KIF17: variants seen among roughly 807,000 people sequenced by gnomAD.
The protein encoded by KIF17 is kinesin family member 17.
KIF17 carries 80 observed loss-of-function variants against 96.8 expected under a neutral mutation model. That is an observed-to-expected ratio of 0.83 (90% CI 0.69 to 1.00). The LOEUF is 1.00. KIF17 is among the 50% of genes least tolerant of loss of function. KIF17 has a pLI of 0.00. For missense variants in KIF17, 1,280 were observed against 1,372.9 expected, an observed-to-expected ratio of 0.93 and a Z score of 1.07; for synonymous variants, 567 against 587.5, an observed-to-expected ratio of 0.97 and a Z score of 0.51.
In KIF17 at chr1:20,684,883, C is replaced by G; in HGVS notation, c.2157G>C (p.Glu719Asp). ...GCACTGCCACCTCCATGCCCACGCTCTCCCTCTTCACACCAGCTGTGGCCG... is the reference window on the plus strand; with the variant it reads ...GCACTGCCACCTCCATGCCCACGCTGTCCCTCTTCACACCAGCTGTGGCCG... ...PLPATAGVKR[E>D]SVGMEVAVLT... Residue 719 changes from glutamate to aspartate, a missense_variant, in exon 10 of 15, where the codon GAG (glutamate) becomes GAC (aspartate). By Grantham distance (45) the Glu-to-Asp change is conservative. Coordinates refer to ENST00000400463, the MANE Select transcript of KIF17 (RefSeq NM_001122819.3). 6.3e-7 allele frequency: 1 copy of G among 1,598,340 alleles called. No individual in the cohort carries two copies. The highest frequency in any genetic ancestry group is 1.1e-5 in the South Asian group (1 of 88,388).
intron 1 of KIF17, 40 bp downstream of exon 1, chr1:20,717,436 T>C (rs1212622991): frequency 1.2e-6 from 2 of 1,604,930 alleles, no homozygotes; most frequent in South Asian, 1.1e-5. Context: ...GGCGGCCTCA[T>C]GCCCTGCCGC....
chr1:20,711,765 G>T (rs2054440839), intron 3 of KIF17, among the ~76,000 whole-genome samples: 1 of 152,142 alleles, frequency 6.6e-6, no homozygotes, highest in African/African-American at 2.4e-5. Flanking sequence ...ACCACGATCG[G>T]GCCTGTGTTA....
intron 8 of KIF17, chr1:20,686,524 A>G (rs1168409403): frequency 7.4e-6 from 2 of 271,494 alleles, no homozygotes; most frequent in East Asian, 8.1e-5. Flanking sequence ...ACACAGAGGA[A>G]AGGAAAGCAG....
At position 20,712,606 on chromosome 1, in the gene KIF17, A is replaced by ATATATATATAATATAGATAATATC. The variant is rs2054465571; in HGVS notation, c.480+824_480+847dup. ...TCTATATATATATCTATATATATCTATATATATATAATATAGATAATATCT... is the reference window on the plus strand; with the variant it reads ...TCTATATATATATCTATATATATCTATATATATATAATATAGATAATATCTATATATATAATATAGATAATATCT... On this transcript the variant is annotated intron_variant, in intron 3 of 14. Coordinates refer to ENST00000400463, the MANE Select transcript of KIF17 (RefSeq NM_001122819.3). Among the ~76,000 whole-genome samples, 6 of 11,492 alleles carry ATATATATATAATATAGATAATATC rather than the reference A, an allele frequency of 5.2e-4. 2 individuals are homozygous for ATATATATATAATATAGATAATATC. The highest frequency in any genetic ancestry group is 8.2e-4 in the African/African-American group (4 of 4,894). 7.5% of individuals were successfully genotyped at this position (11,492 alleles called of 152,430 possible).
chr1:20,683,814 C>T (rs543824589), intron 10 of KIF17, among the ~76,000 whole-genome samples: 11 of 152,312 alleles, frequency 7.2e-5, no homozygotes, highest in Admixed American at 2.0e-4. Flanking sequence ...TCCAAATGCC[C>T]GGGCCGGGTC....
Position 20,715,581 on chromosome 1 carries a change from T to C in KIF17, c.290A>G (p.Lys97Arg). The C allele has an allele frequency of 6.2e-7, 1 of 1,613,308 alleles. No homozygotes were observed. The highest frequency in any genetic ancestry group is 2.2e-5 in the East Asian group (1 of 44,862). The change falls in exon 2 of 15, where the codon AAG becomes AGG. Residue 97 changes from lysine (K) to arginine (R), a missense_variant. By Grantham distance (26) the Lys-to-Arg change is conservative. Transcript: ENST00000400463. ...IFAYGQTGSG[K>R]SFTMQGLPDP... ...CGGCAGGCCCTGCATGGTGAAGGAC[T>C]TCCCGCTGCCTGTCTGGCCGTAGGC... is the stretch of plus-strand genomic sequence containing the variant.
chr1:20,686,297 A>G, intron 8 of KIF17, 171 bp from the exon 9 acceptor site: 1 of 680,028 alleles, frequency 1.5e-6, no homozygotes, highest in Non-Finnish European at 2.7e-6. Context: ...GAGATGAGGG[A>G]GAGAACAGGG....
At position 20,700,726 on chromosome 1, in the gene KIF17, C is replaced by CCGTAAACCA. The variant is rs1442450428; in HGVS notation, c.1124-2247_1124-2239dup. On this transcript the variant is annotated intron_variant, in intron 5 of 14. Transcript: ENST00000400463. This position sits in a 1 kb window ranked among gnomAD's most constrained non-coding sequence, Gnocchi z 4.6. ...TTCAGGGCGAGCGAATTCCTAGAAA[C>CCGTAAACCA]CGTAAACCACGAGTCAGTGAGTCCA... Among the ~76,000 whole-genome samples the CCGTAAACCA allele has an allele frequency of 6.6e-6, 1 of 152,166 alleles. No homozygotes were observed. The highest frequency in any genetic ancestry group is 1.5e-5 in the Non-Finnish European group (1 of 68,040).
chr1:20,687,265 G>T lies in KIF17; in HGVS notation c.1938+123C>A. 1.8e-6 allele frequency: 2 copies of T among 1,111,662 alleles called. No homozygotes were observed. Among genetic ancestry groups the T allele is most frequent in the Non-Finnish European group, 2.7e-6 (2 of 736,650 alleles). 68.9% of individuals were successfully genotyped at this position (1,111,662 alleles called of 1,614,324 possible). A position where few individuals can be genotyped will look rare whatever the true frequency, so the allele number is the denominator to read the frequency against. ...CAGTGCCAGAGCCGCAGCAGACACA[G>T]TGGAGCCACGGCCTGAGTGTCGGAG... is the stretch of plus-strand genomic sequence containing the variant. On this transcript the variant is annotated intron_variant, in intron 8 of 14. Coordinates refer to ENST00000400463, the MANE Select transcript of KIF17 (RefSeq NM_001122819.3). The surrounding 1 kb of genome is among the most constrained non-coding windows in gnomAD (Gnocchi z 4.4).
intron 1 of KIF17, among the ~76,000 whole-genome samples, chr1:20,716,542 C>T (rs2054581064): frequency 6.6e-6 from 1 of 152,294 alleles, no homozygotes; most frequent in Admixed American, 6.5e-5. Flanking sequence ...TTCCAGGCGG[C>T]AAAGACAGGG....
intron 2 of KIF17, among the ~76,000 whole-genome samples, chr1:20,715,287 C>T (rs531383649): frequency 6.6e-6 from 1 of 152,292 alleles, no homozygotes; most frequent in African/African-American, 2.4e-5. Context: ...GGTTAGAAGG[C>T]AAAAATGGTG....
chr1:20,692,271 G>C (rs1258895709), intron 6 of KIF17, among the ~76,000 whole-genome samples: 1 of 151,762 alleles, frequency 6.6e-6, no homozygotes, highest in Non-Finnish European at 1.5e-5. Flanking sequence ...ATCCCTCAGA[G>C]AGGCCTTCCC....
intron 7 of KIF17, 105 bp from the exon 8 acceptor site, chr1:20,688,049 T>A (rs1008938314): frequency 2.4e-5 from 23 of 967,206 alleles, no homozygotes; most frequent in Middle Eastern, 3.0e-4. Context: ...TGTTTGTTTT[T>A]TTTTTGTTTT....
intron 4 of KIF17, among the ~76,000 whole-genome samples, chr1:20,706,997 G>A (rs1002790896): frequency 6.6e-6 from 1 of 152,194 alleles, no homozygotes; most frequent in African/African-American, 2.4e-5. Flanking sequence ...TCAGGAGGCT[G>A]AGGTGGGAGG....
chr1:20,683,885 C>A (rs1421330607), intron 10 of KIF17, among the ~76,000 whole-genome samples: 1 of 151,562 alleles, frequency 6.6e-6, no homozygotes, highest in African/African-American at 2.4e-5. Context: ...CTGCAGCAAA[C>A]CTTTTTCAGC....
chr1:20,697,870 T>G (rs1442780923), intron 6 of KIF17, among the ~76,000 whole-genome samples: 3 of 152,170 alleles, frequency 2.0e-5, no homozygotes, highest in African/African-American at 7.2e-5. Context: ...GGCACTCAGA[T>G]GAGAGGTGCC....
At chr1:20,705,784 A>T (rs1252434505) in intron 4 of KIF17, among the ~76,000 whole-genome samples, 1 of 148,188 alleles carries the variant, frequency 6.7e-6, no homozygotes, top group African/African-American at 2.5e-5. Flanking sequence ...GTCAGATGTG[A>T]TTCTGCAGGT....
In KIF17 at chr1:20,717,560, G is replaced by C. The variant is rs761513454; in HGVS notation, c.147C>G (p.Pro49=). Residue 49 remains proline (P), a synonymous_variant, in exon 1 of 15, where the codon CCC becomes CCG. Transcript: ENST00000400463. ...IQNPGAADEP[P]KQFTFDGAYH... ...AGGCGCCGTCGAAGGTGAACTGCTT[G>C]GGCGGCTCGTCGGCGGCGCCCGGGT... is the stretch of plus-strand genomic sequence containing the variant. 1.9e-5 allele frequency: 30 copies of C among 1,611,422 alleles called. 1 individual carries two copies. In the South Asian group the frequency reaches 3.2e-4, roughly 17 times the overall value.
At chr1:20,679,536 A>C (rs554941799) in intron 11 of KIF17, among the ~76,000 whole-genome samples, 1 of 152,240 alleles carries the variant, frequency 6.6e-6, no homozygotes, top group East Asian at 1.9e-4. Flanking sequence ...GGCAGGCAGG[A>C]GAGATGTGGT....
Sources: allele counts gnomAD v4.1 joint callset (sites outside exome capture counted in the v4.1 genomes callset), GRCh38; gene constraint gnomAD v4.1.1; non-coding constraint Gnocchi (gnomAD v3.1); transcripts MANE v1.5; gene names NCBI Gene and HGNC (gene_info 2026-07-23, HGNC 2026-07-21).